Variants in ADGRL2 observed in about 807,000 individuals in gnomAD.
ADGRL2 encodes calcium-independent alpha-latrotoxin receptor 2.
A neutral mutation model predicts 157.4 loss-of-function variants in ADGRL2; 44 were observed. That is an observed-to-expected ratio of 0.28 (90% CI 0.22 to 0.36). ADGRL2 has a LOEUF of 0.36. Ranked by LOEUF, ADGRL2 falls within the 10% of genes least tolerant of loss-of-function variation. The pLI, the probability that ADGRL2 is intolerant of heterozygous loss-of-function variation, is 1.00. For missense variants in ADGRL2, 1,510 were observed against 1,768.9 expected (o/e 0.85, Z 2.63); for synonymous variants, 585 against 624.7 (o/e 0.94, Z 0.95).
intron 1 of ADGRL2, among the ~76,000 whole-genome samples, chr1:81,437,364 G>A (rs1053726569): frequency 6.6e-6 from 1 of 152,122 alleles, no homozygotes; most frequent in Non-Finnish European, 1.5e-5. Context: ...GTCCTAAGTA[G>A]TGTCAGTCTT....
chr1:81,312,874 T>C (rs991638483), intron 1 of ADGRL2, among the ~76,000 whole-genome samples: 1 of 152,150 alleles, frequency 6.6e-6, no homozygotes, highest in Non-Finnish European at 1.5e-5. Flanking sequence ...GTAAACTGAA[T>C]TTACAGAGAA....
chr1:81,588,631 C>T (rs570466282), intron 3 of ADGRL2, among the ~76,000 whole-genome samples: 1 of 152,254 alleles, frequency 6.6e-6, no homozygotes, highest in East Asian at 1.9e-4. Flanking sequence ...ACTTAGGAGT[C>T]TAAGCACCTG....
At chr1:81,390,649 T>A (rs1327261611) in intron 1 of ADGRL2, among the ~76,000 whole-genome samples, 1 of 152,302 alleles carries the variant, frequency 6.6e-6, no homozygotes, top group South Asian at 2.1e-4. Flanking sequence ...TTTATGTAGT[T>A]TTTCATACAG....
chr1:81,644,425 GAA>G (rs2082276191), intron 3 of ADGRL2, among the ~76,000 whole-genome samples: 1 of 152,146 alleles, frequency 6.6e-6, no homozygotes, highest in African/African-American at 2.4e-5. Context: ...GCTAGAGAAT[GAA>G]AAGAGAAGTC....
chr1:81,402,372 G>A (rs536363839), intron 1 of ADGRL2, among the ~76,000 whole-genome samples: 60 of 152,200 alleles, frequency 3.9e-4, no homozygotes, highest in African/African-American at 1.4e-3. Flanking sequence ...AAGTGCTTCC[G>A]TGATTAATCA....
At chr1:81,764,456 G>GA in intron 2 of ADGRL2, among the ~76,000 whole-genome samples, 1 of 151,944 alleles carries the variant, frequency 6.6e-6, no homozygotes, top group East Asian at 1.9e-4. Context: ...AGAAATTTAG[G>GA]AAAAAAGTCT....
At chr1:81,929,380 G>T (rs2095177995) in intron 3 of ADGRL2, among the ~76,000 whole-genome samples, 1 of 152,124 alleles carries the variant, frequency 6.6e-6, no homozygotes. Context: ...AAAAGAAAAT[G>T]CACCAAAGCT....
At chr1:81,740,131 T>C (rs2085026883) in intron 1 of ADGRL2, among the ~76,000 whole-genome samples, 1 of 152,188 alleles carries the variant, frequency 6.6e-6, no homozygotes, top group Admixed American at 6.5e-5. Flanking sequence ...GAAAGTAATA[T>C]CTAACAAATT....
At chr1:81,900,774 CT>C (rs1238071596) in intron 2 of ADGRL2, among the ~76,000 whole-genome samples, 3 of 152,146 alleles carry the variant, frequency 2.0e-5, no homozygotes, top group African/African-American at 7.2e-5. Flanking sequence ...TTTTAATACT[CT>C]TTCTAACATA....
intron 1 of ADGRL2, among the ~76,000 whole-genome samples, chr1:81,738,665 G>T (rs543917166): frequency 6.6e-6 from 1 of 152,224 alleles, no homozygotes; most frequent in Non-Finnish European, 1.5e-5. Context: ...GCATTGGCCA[G>T]TTTGGCCTCT....
chr1:81,821,276 T>C (rs1476256089), intron 1 of ADGRL2, among the ~76,000 whole-genome samples: 1 of 152,198 alleles, frequency 6.6e-6, no homozygotes, highest in Non-Finnish European at 1.5e-5. Flanking sequence ...ACCATCTAGT[T>C]ACTTAGCAAC....
intron 2 of ADGRL2, among the ~76,000 whole-genome samples, chr1:81,559,584 T>C (rs773719573): frequency 6.6e-5 from 10 of 152,190 alleles, no homozygotes; most frequent in Non-Finnish European, 1.5e-4. Context: ...CCTATAACTT[T>C]AGTGTCTTAT....
chr1:81,614,258 C>G (rs6669188), intron 3 of ADGRL2, among the ~76,000 whole-genome samples: 1 of 152,124 alleles, frequency 6.6e-6, no homozygotes, highest in African/African-American at 2.4e-5. Context: ...TAATCCCCTA[C>G]GAGGGTACAT....
chr1:81,630,195 A>G (rs1400282579), intron 3 of ADGRL2, among the ~76,000 whole-genome samples: 2 of 152,078 alleles, frequency 1.3e-5, no homozygotes, highest in Non-Finnish European at 2.9e-5. Context: ...TAAGGCAGGG[A>G]CATTAGCTGA....
chr1:81,621,112 GA>G (rs1406461175), intron 3 of ADGRL2, among the ~76,000 whole-genome samples: 2 of 152,120 alleles, frequency 1.3e-5, no homozygotes, highest in African/African-American at 4.8e-5. Flanking sequence ...CTGACTTCTG[GA>G]AGCTGAAGTG....
intron 2 of ADGRL2, among the ~76,000 whole-genome samples, chr1:81,768,427 C>T (rs1208029466): frequency 6.6e-6 from 1 of 151,720 alleles, no homozygotes; most frequent in Non-Finnish European, 1.5e-5. Context: ...TGAGATTGAG[C>T]ACCTTTTCTC....
intron 3 of ADGRL2, among the ~76,000 whole-genome samples, chr1:81,621,058 G>C (rs17456431): frequency 0.13 from 19,114 of 152,084 alleles, 1,664 homozygotes; most frequent in Non-Finnish European, 0.18. Flanking sequence ...CCCATATCAT[G>C]GTGCTTTTGC....
chr1:81,759,775 A>G (rs545788446), intron 1 of ADGRL2, among the ~76,000 whole-genome samples: 5 of 152,204 alleles, frequency 3.3e-5, no homozygotes, highest in Admixed American at 1.3e-4. Context: ...CTCCTCTATC[A>G]GATTTTGCTT....
chr1:81,514,658 G>A (rs2079141492), intron 2 of ADGRL2: 1 of 152,156 alleles, frequency 6.6e-6, no homozygotes, highest in Admixed American at 6.5e-5. Context: ...TGTTGCAATT[G>A]ACATTTGATG....
Sources: allele counts gnomAD v4.1 joint callset (sites outside exome capture counted in the v4.1 genomes callset), GRCh38; gene constraint gnomAD v4.1.1; transcripts MANE v1.5; gene names NCBI Gene and HGNC (gene_info 2026-07-23, HGNC 2026-07-21).